Variants in DLGAP2 observed in about 807,000 individuals in gnomAD.
The protein encoded by DLGAP2 is DLG associated protein 2.
Under a neutral mutation model 100.3 loss-of-function variants are expected in DLGAP2, and 26 were observed. That is an observed-to-expected ratio of 0.26 (90% CI 0.19 to 0.36). The LOEUF (loss-of-function observed/expected upper bound fraction) is 0.36, where lower values mean the gene tolerates loss of function less well. Ranked by LOEUF, DLGAP2 falls within the 10% of genes least tolerant of loss-of-function variation. The pLI is 1.00. For missense variants in DLGAP2, 1,858 were observed against 1,453.2 expected (o/e 1.28, Z -4.53); for synonymous variants, 886 against 630.1 (o/e 1.41, Z -6.08).
intron 1 of DLGAP2, chr8:739,061 T>G (rs565684696): frequency 1.3e-5 from 2 of 155,456 alleles, no homozygotes; most frequent in Admixed American, 6.5e-5. Flanking sequence ...ATTCGTGACT[T>G]GTCGGCGGCC....
chr8:1,446,517 A>G (rs1797990159), intron 3 of DLGAP2, among the ~76,000 whole-genome samples: 1 of 152,152 alleles, frequency 6.6e-6, no homozygotes. Flanking sequence ...GTTTGAAGTC[A>G]GGTAGTGTGA....
intron 3 of DLGAP2, among the ~76,000 whole-genome samples, chr8:1,313,095 C>A (rs761691492): frequency 3.9e-5 from 6 of 152,204 alleles, no homozygotes; most frequent in African/African-American, 1.4e-4. Flanking sequence ...CCCCTGGACC[C>A]GGTCAGATAT....
At chr8:1,095,568 A>G (rs572611134) in intron 2 of DLGAP2, among the ~76,000 whole-genome samples, 1 of 152,168 alleles carries the variant, frequency 6.6e-6, no homozygotes, top group Non-Finnish European at 1.5e-5. Flanking sequence ...TCCACCGTCA[A>G]CACTGTTGTG....
At chr8:1,228,364 T>C (rs1186352681) in intron 2 of DLGAP2, among the ~76,000 whole-genome samples, 1 of 152,248 alleles carries the variant, frequency 6.6e-6, no homozygotes, top group Non-Finnish European at 1.5e-5. Flanking sequence ...GTCTCACTGG[T>C]GAATTCTGCC....
intron 2 of DLGAP2, among the ~76,000 whole-genome samples, chr8:1,240,057 C>A (rs62487809): frequency 0.38 from 53,599 of 140,052 alleles, 7,526 homozygotes; most frequent in Middle Eastern, 0.48. Context: ...CACATGGCGC[C>A]GTGTCTAGTT....
chr8:1,589,056 C>G (rs555749614), intron 6 of DLGAP2, among the ~76,000 whole-genome samples: 2 of 152,342 alleles, frequency 1.3e-5, no homozygotes, highest in East Asian at 3.9e-4. Flanking sequence ...CAAACTATCA[C>G]ACACAGCAAT....
chr8:1,595,657 G>A (rs1190501016), intron 6 of DLGAP2, among the ~76,000 whole-genome samples: 1 of 138,656 alleles, frequency 7.2e-6, no homozygotes, highest in Non-Finnish European at 1.5e-5. Context: ...CTGGGCGACA[G>A]AGCGAGACTC....
chr8:1,575,435 C>T (rs956952126), intron 6 of DLGAP2, among the ~76,000 whole-genome samples: 15 of 135,338 alleles, frequency 1.1e-4, no homozygotes, highest in Admixed American at 6.7e-4. Context: ...AACCACCCTC[C>T]GTGAGACAGG....
chr8:1,590,881 C>A (rs980699264), intron 6 of DLGAP2, among the ~76,000 whole-genome samples: 1 of 152,208 alleles, frequency 6.6e-6, no homozygotes, highest in South Asian at 2.1e-4. Context: ...ATGTCATTAC[C>A]AGGGACTGGT....
chr8:1,550,391 C>T, intron 5 of DLGAP2, among the ~76,000 whole-genome samples: 1 of 152,188 alleles, frequency 6.6e-6, no homozygotes, highest in East Asian at 1.9e-4. Flanking sequence ...AAGATCCCGA[C>T]TCCTCCTTGG....
intron 3 of DLGAP2, among the ~76,000 whole-genome samples, chr8:1,340,116 C>G (rs942180832): frequency 3.3e-5 from 5 of 152,062 alleles, no homozygotes; most frequent in Non-Finnish European, 7.4e-5. Flanking sequence ...ACTTTAAAAC[C>G]CAAAACTATA....
At chr8:1,204,620 A>G (rs1024779660) in intron 2 of DLGAP2, among the ~76,000 whole-genome samples, 1 of 152,206 alleles carries the variant, frequency 6.6e-6, no homozygotes, top group African/African-American at 2.4e-5. Context: ...CAGGAGAGAC[A>G]GGCTGGGAAC....
intron 4 of DLGAP2, among the ~76,000 whole-genome samples, chr8:1,546,335 C>G (rs1336008970): frequency 6.6e-6 from 1 of 152,164 alleles, no homozygotes; most frequent in African/African-American, 2.4e-5. Flanking sequence ...AGAAACAGCC[C>G]CACACCTTGC....
At chr8:1,647,309 A>T (rs1798061690) in intron 8 of DLGAP2, among the ~76,000 whole-genome samples, 1 of 151,784 alleles carries the variant, frequency 6.6e-6, no homozygotes. Flanking sequence ...ACACGGTGAA[A>T]CCCCATCTCT....
rs892323765 is a variant in DLGAP2, at chr8:889,886, C to T, written c.19-18026C>T. 2.6e-5 allele frequency among the ~76,000 whole-genome samples: 4 copies of T among 152,324 alleles called. No homozygotes were observed. The East Asian group carries it at 5.8e-4, about 22-fold the overall frequency. On this transcript the variant is annotated intron_variant, in intron 1 of 14. Transcript: ENST00000637795. ...GGGCTGGAACTGTAGGCCCCAGTGG[C>T]GTGAGTTTGCAAGTGGGATCTTCTG...
chr8:1,366,728 G>T (rs958232592), intron 3 of DLGAP2, among the ~76,000 whole-genome samples: 12 of 152,296 alleles, frequency 7.9e-5, no homozygotes, highest in African/African-American at 2.9e-4. Flanking sequence ...ACCCCACAAG[G>T]ATGGAGAGCA....
At chr8:1,077,067 C>T (rs1290405523) in intron 2 of DLGAP2, among the ~76,000 whole-genome samples, 1 of 152,012 alleles carries the variant, frequency 6.6e-6, no homozygotes, top group Admixed American at 6.5e-5. Context: ...CTGTCCCGGG[C>T]TCCCCCACAC....
chr8:1,627,900 G>A (rs1674438004), intron 7 of DLGAP2, among the ~76,000 whole-genome samples: 1 of 151,698 alleles, frequency 6.6e-6, no homozygotes, highest in African/African-American at 2.4e-5. Flanking sequence ...AAGAGCTTGA[G>A]CCGACCTCAC....
intron 3 of DLGAP2, among the ~76,000 whole-genome samples, chr8:1,342,728 C>A (rs1241364468): frequency 2.0e-5 from 3 of 152,188 alleles, no homozygotes; most frequent in Non-Finnish European, 2.9e-5. Flanking sequence ...AGCAGAACTT[C>A]AAAACGAAAA....
Sources: gnomAD v4.1 joint callset for allele counts (sites outside exome capture counted in the v4.1 genomes callset) on GRCh38, gnomAD v4.1.1 for gene constraint, MANE v1.5 for transcripts, NCBI Gene and HGNC (gene_info 2026-07-23, HGNC 2026-07-21) for gene names.